Variants in COMMD10 observed in about 807,000 individuals in gnomAD.
COMMD10 encodes the protein COMM domain-containing protein 10.
Under a neutral mutation model 28.9 loss-of-function variants are expected in COMMD10, and 33 were observed. The observed-to-expected ratio is 1.14, with a 90% CI of 0.87 to 1.53. The LOEUF is 1.53. COMMD10 is among the 40% of genes most tolerant of loss of function. COMMD10 has a pLI of 0.00. For missense variants in COMMD10, 310 were observed against 233.4 expected (o/e 1.33, Z -2.14); for synonymous variants, 110 against 81.7 (o/e 1.35, Z -1.87).
chr5:116,177,682 A>G (rs148723711), intron 5 of COMMD10, among the ~76,000 whole-genome samples: 9 of 152,182 alleles, frequency 5.9e-5, no homozygotes, highest in African/African-American at 2.2e-4. Flanking sequence ...TCTCCTTTGC[A>G]TATTTTGTCC....
At position 116,097,172 on chromosome 5, in the gene COMMD10, A is replaced by C. The variant is rs1379852525; in HGVS notation, c.399+4472A>C. ...TTTGTCATATAAAATATGCAAATAA[A>C]GAAGTTGGAATGATCTGATTAATTG... On this transcript the variant is annotated intron_variant, in intron 4 of 6. Coordinates refer to ENST00000274458, the MANE Select transcript of COMMD10 (RefSeq NM_016144.4). Among the ~76,000 whole-genome samples, 3 of 152,208 alleles carry C rather than the reference A, an allele frequency of 2.0e-5. No homozygotes were observed. In the East Asian group the frequency reaches 5.8e-4, roughly 29 times the overall value.
chr5:116,234,882 G>C (rs1338006349), intron 5 of COMMD10, among the ~76,000 whole-genome samples: 1 of 152,130 alleles, frequency 6.6e-6, no homozygotes, highest in Non-Finnish European at 1.5e-5. Flanking sequence ...GGAGAGCTAG[G>C]GAAAAAGGGT....
intron 4 of COMMD10, among the ~76,000 whole-genome samples, chr5:116,111,161 T>A (rs1751030014): frequency 6.6e-6 from 1 of 152,188 alleles, no homozygotes; most frequent in African/African-American, 2.4e-5. Context: ...TGGATCTTCT[T>A]TCCTCTGGTT....
intron 5 of COMMD10, among the ~76,000 whole-genome samples, chr5:116,234,076 G>A (rs1436567519): frequency 6.6e-6 from 1 of 152,164 alleles, no homozygotes; most frequent in East Asian, 1.9e-4. Context: ...GAAGGAAGAG[G>A]AAGAAAGTGA....
At position 116,212,349 on chromosome 5, in the gene COMMD10, T is replaced by C. The variant is rs530895557; in HGVS notation, c.510+78171T>C. ...AGGCATCCTTTTATCTTTTGAAGAATAGAAGTAAATATATCTACATATCCA... is the reference window on the plus strand; with the variant it reads ...AGGCATCCTTTTATCTTTTGAAGAACAGAAGTAAATATATCTACATATCCA... On this transcript the variant is annotated intron_variant, in intron 5 of 6. Transcript: ENST00000274458. 5.3e-5 allele frequency among the ~76,000 whole-genome samples: 8 copies of C among 152,262 alleles called. No homozygotes were observed. The South Asian group carries it at 1.0e-3, about 20-fold the overall frequency.
intron 5 of COMMD10, among the ~76,000 whole-genome samples, chr5:116,245,714 A>G (rs1749931211): frequency 6.6e-6 from 1 of 152,190 alleles, no homozygotes. Context: ...GTCATTCATC[A>G]CATAAGCAGA....
rs747182763 is a variant in COMMD10, at chr5:116,091,123, G to A, written c.177G>A (p.Ala59=). The A allele has an allele frequency of 3.5e-5, 56 of 1,611,498 alleles. No individual in the cohort carries two copies. Among genetic ancestry groups the A allele is most frequent in the African/African-American group, 2.0e-4 (15 of 74,762 alleles). Residue 59 remains alanine, a synonymous_variant, in exon 3 of 7, where the codon GCG becomes GCA. Coordinates refer to ENST00000274458, the MANE Select transcript of COMMD10 (RefSeq NM_016144.4). ...FSEEEEEKLQ[A]AFSLEKQDLH... ...AAGAAGAGGAAGAAAAACTTCAAGC[G>A]GCATTTTCTCTAGAGAAACAAGATC...
chr5:116,226,373 A>G (rs898912323), intron 5 of COMMD10, among the ~76,000 whole-genome samples: 2 of 148,232 alleles, frequency 1.3e-5, no homozygotes, highest in Admixed American at 6.7e-5. Flanking sequence ...TTACACCTCA[A>G]CTCTTCCAAA....
chr5:116,292,928 C>A lies in COMMD10; in HGVS notation c.*439C>A. ...AATTAAGAAAATAGCCATATACAAT[C>A]AAATACACTATGGCATTTTTATTTG... On this transcript the variant is annotated 3_prime_UTR_variant, in exon 7 of 7. Coordinates refer to ENST00000274458, the MANE Select transcript of COMMD10 (RefSeq NM_016144.4). 2.5e-6 allele frequency: 1 copy of A among 396,106 alleles called. No individual in the cohort carries two copies. Among genetic ancestry groups the A allele is most frequent in the South Asian group, 1.3e-4 (1 of 7,642 alleles). The allele number at this position is 396,106 out of a possible 1,614,324, so 24.5% of individuals were successfully genotyped here.
chr5:116,160,517 C>G (rs747699016), intron 5 of COMMD10, among the ~76,000 whole-genome samples: 1 of 152,006 alleles, frequency 6.6e-6, no homozygotes, highest in African/African-American at 2.4e-5. Context: ...GGATGAGTCT[C>G]TTAGGTACAA....
intron 5 of COMMD10, among the ~76,000 whole-genome samples, chr5:116,247,694 A>C (rs1376933363): frequency 6.6e-6 from 1 of 152,086 alleles, no homozygotes; most frequent in Non-Finnish European, 1.5e-5. Flanking sequence ...CATTATCCTT[A>C]GCAAATTAAT....
intron 5 of COMMD10, among the ~76,000 whole-genome samples, chr5:116,206,375 G>T (rs1369765070): frequency 2.0e-5 from 3 of 152,066 alleles, no homozygotes; most frequent in African/African-American, 7.2e-5. Flanking sequence ...CGGTGGTCGG[G>T]CACGGTGGCT....
intron 5 of COMMD10, among the ~76,000 whole-genome samples, chr5:116,193,025 A>G (rs1748410878): frequency 6.6e-6 from 1 of 152,214 alleles, no homozygotes; most frequent in Admixed American, 6.5e-5. Context: ...CTCACACAAA[A>G]CAATTATCAG....
intron 5 of COMMD10, among the ~76,000 whole-genome samples, chr5:116,227,147 G>A (rs4605830): frequency 0.85 from 128,767 of 151,908 alleles, 55,125 homozygotes; most frequent in Admixed American, 0.92. Flanking sequence ...TAAGTTGATC[G>A]CTTAAAAAGT....
At chr5:116,184,578 T>A (rs1425784407) in intron 5 of COMMD10, among the ~76,000 whole-genome samples, 2 of 152,060 alleles carry the variant, frequency 1.3e-5, no homozygotes, top group Admixed American at 1.3e-4. Context: ...AAATAAGATA[T>A]AATGAACACC....
intron 5 of COMMD10, among the ~76,000 whole-genome samples, chr5:116,219,077 A>G (rs1749177249): frequency 6.6e-6 from 1 of 152,154 alleles, no homozygotes; most frequent in Non-Finnish European, 1.5e-5. Context: ...GAGAAAACCT[A>G]TGAGACAAGA....
chr5:116,225,556 T>G (rs1333745730), intron 5 of COMMD10, among the ~76,000 whole-genome samples: 1 of 152,088 alleles, frequency 6.6e-6, no homozygotes, highest in Non-Finnish European at 1.5e-5. Context: ...TCTGCTGCTT[T>G]GTTAGCCTGA....
intron 5 of COMMD10, among the ~76,000 whole-genome samples, chr5:116,245,826 A>T (rs1385651014): frequency 6.6e-6 from 1 of 152,030 alleles, no homozygotes; most frequent in African/African-American, 2.4e-5. Context: ...TAGGTATTGA[A>T]GGAACATACT....
intron 5 of COMMD10, among the ~76,000 whole-genome samples, chr5:116,153,555 A>G (rs1752606372): frequency 6.6e-6 from 1 of 152,136 alleles, no homozygotes; most frequent in South Asian, 2.1e-4. Context: ...TTTATTGACC[A>G]ATTAATATGT....
Sources: allele counts gnomAD v4.1 joint callset (sites outside exome capture counted in the v4.1 genomes callset), GRCh38; gene constraint gnomAD v4.1.1; transcripts MANE v1.5; gene names NCBI Gene and HGNC (gene_info 2026-07-23, HGNC 2026-07-21).